The following SEMA3A variants were observed in gnomAD, a reference collection of about 807,000 sequenced individuals.
SEMA3A encodes semaphorin-3A.
Under a neutral mutation model 97.9 loss-of-function variants are expected in SEMA3A, and 29 were observed. The observed-to-expected ratio is 0.30, with a 90% CI of 0.22 to 0.40. The LOEUF (loss-of-function observed/expected upper bound fraction) is 0.40, where lower values mean the gene tolerates loss of function less well. SEMA3A is among the 10% of genes least tolerant of loss of function. SEMA3A has a pLI of 1.00. For missense variants in SEMA3A, 763 were observed against 951.3 expected (o/e 0.80, Z 2.60); for synonymous variants, 321 against 323.7 (o/e 0.99, Z 0.09).
intron 4 of SEMA3A, among the ~76,000 whole-genome samples, chr7:84,087,790 C>T (rs1247144067): frequency 1.3e-5 from 2 of 152,170 alleles, no homozygotes; most frequent in African/African-American, 4.8e-5. Context: ...TTCCCATGAA[C>T]TTCTGTTCTC....
intron 1 of SEMA3A, among the ~76,000 whole-genome samples, chr7:84,388,744 G>A (rs1803465268): frequency 6.6e-6 from 1 of 151,958 alleles, no homozygotes; most frequent in South Asian, 2.1e-4. Flanking sequence ...GGTTATTAGA[G>A]GAGATATGGT....
At chr7:84,103,280 A>G (rs546339956) in intron 4 of SEMA3A, among the ~76,000 whole-genome samples, 1 of 152,266 alleles carries the variant, frequency 6.6e-6, no homozygotes, top group Non-Finnish European at 1.5e-5. Flanking sequence ...TTGGCAGAAT[A>G]TAGCATTTGC....
chr7:84,175,592 AG>A (rs1797537678), intron 1 of SEMA3A, among the ~76,000 whole-genome samples: 2 of 152,164 alleles, frequency 1.3e-5, no homozygotes, highest in African/African-American at 4.8e-5. Flanking sequence ...AGGGTTGGAA[AG>A]GGGAATTTTC....
chr7:84,201,182 C>T (rs1345297356), intron 3 of SEMA3A, among the ~76,000 whole-genome samples: 1 of 151,992 alleles, frequency 6.6e-6, no homozygotes, highest in Non-Finnish European at 1.5e-5. Context: ...GAATGTTGCA[C>T]CTCAGATGTA....
At chr7:84,039,715 T>C (rs1792066610) in intron 6 of SEMA3A, among the ~76,000 whole-genome samples, 1 of 152,030 alleles carries the variant, frequency 6.6e-6, no homozygotes, top group South Asian at 2.1e-4. Context: ...TAGGGAGAAA[T>C]CTATCAGTTA....
At chr7:84,006,037 C>CTAAT (rs1790652501) in intron 10 of SEMA3A, among the ~76,000 whole-genome samples, 1 of 152,090 alleles carries the variant, frequency 6.6e-6, no homozygotes, top group African/African-American at 2.4e-5. Context: ...AGTTATGTCA[C>CTAAT]TAATTCTTAG....
chr7:84,134,934 T>A lies in SEMA3A; in HGVS notation c.130A>T (p.Asn44Tyr), dbSNP rs560143229. 80 of 1,612,402 alleles carry A rather than the reference T, an allele frequency of 5.0e-5. 1 individual carries two copies. The South Asian group carries it at 8.6e-4, about 17-fold the overall frequency. Reference sequence around the variant, plus strand: ...GCCAAGCCATTGAAAGTGATCACATTGTTGGATTCCAACATTTCTGCAAGG... The same window carrying A: ...GCCAAGCCATTGAAAGTGATCACATAGTTGGATTCCAACATTTCTGCAAGG... ...LSYKEMLESNNVITFNGLANS... is the reference protein window; with the variant it reads ...LSYKEMLESNYVITFNGLANS... Residue 44 changes from asparagine (N) to tyrosine (Y), a missense_variant, in exon 2 of 17, where the codon AAT becomes TAT. Physicochemically the swap from Asn to Tyr is moderately radical, Grantham distance 143. Around this residue, in one of 2 missense-constraint regions of SEMA3A, gnomAD observed 85 missense variants for 70.0 expected, o/e 1.21. Transcript: ENST00000265362.
At chr7:84,425,383 T>G (rs1353100470) in intron 1 of SEMA3A, among the ~76,000 whole-genome samples, 1 of 131,750 alleles carries the variant, frequency 7.6e-6, no homozygotes, top group African/African-American at 2.8e-5. Flanking sequence ...TATAAATATA[T>G]GCATATAATA....
At chr7:84,024,581 G>GA (rs1391476344) in intron 6 of SEMA3A, among the ~76,000 whole-genome samples, 1 of 151,448 alleles carries the variant, frequency 6.6e-6, no homozygotes, top group Admixed American at 6.6e-5. Context: ...AAAGAAAAAA[G>GA]AAAAAAAATC....
At chr7:84,452,628 T>C (rs1041885918) in intron 1 of SEMA3A, among the ~76,000 whole-genome samples, 2 of 152,198 alleles carry the variant, frequency 1.3e-5, no homozygotes, top group Non-Finnish European at 2.9e-5. Flanking sequence ...GTATAAAAAA[T>C]AGTTTTAAAA....
chr7:84,488,349 C>CAA, intron 1 of SEMA3A, among the ~76,000 whole-genome samples: 1 of 145,552 alleles, frequency 6.9e-6, no homozygotes, highest in East Asian at 2.0e-4. Context: ...CACACACACA[C>CAA]ATATATATAT....
chr7:84,484,879 A>G (rs1205874685), intron 1 of SEMA3A, among the ~76,000 whole-genome samples: 4 of 152,202 alleles, frequency 2.6e-5, no homozygotes, highest in Non-Finnish European at 4.4e-5. Flanking sequence ...GTCCAAAGGA[A>G]TGGAACTATA....
At chr7:84,321,538 TA>T (rs1176791166) in intron 2 of SEMA3A, among the ~76,000 whole-genome samples, 1 of 152,116 alleles carries the variant, frequency 6.6e-6, no homozygotes, top group African/African-American at 2.4e-5. Context: ...TAATTGTATG[TA>T]AAATGATACT....
intron 1 of SEMA3A, among the ~76,000 whole-genome samples, chr7:84,409,951 T>G (rs760666697): frequency 6.6e-6 from 1 of 152,142 alleles, no homozygotes; most frequent in Non-Finnish European, 1.5e-5. Flanking sequence ...AATGTAAATT[T>G]TACTTAATCT....
At chr7:84,417,081 T>C (rs187454515) in intron 1 of SEMA3A, among the ~76,000 whole-genome samples, 12 of 152,210 alleles carry the variant, frequency 7.9e-5, no homozygotes, top group Admixed American at 7.9e-4. Flanking sequence ...TACTAAACAG[T>C]TTGATTTGGC....
chr7:84,273,739 C>T (rs1014664708), intron 3 of SEMA3A, among the ~76,000 whole-genome samples: 1 of 152,078 alleles, frequency 6.6e-6, no homozygotes, highest in African/African-American at 2.4e-5. Context: ...TCTGACATTC[C>T]TTGTCAAATG....
chr7:84,009,427 G>A (rs1411306453), intron 9 of SEMA3A, among the ~76,000 whole-genome samples: 1 of 152,148 alleles, frequency 6.6e-6, no homozygotes, highest in East Asian at 1.9e-4. Context: ...AAAAATTATT[G>A]AGTAAAAACA....
intron 1 of SEMA3A, among the ~76,000 whole-genome samples, chr7:84,452,869 C>T (rs768705529): frequency 6.6e-6 from 1 of 152,142 alleles, no homozygotes; most frequent in Non-Finnish European, 1.5e-5. Flanking sequence ...TGCACTGGGT[C>T]ACTTGTTACT....
intron 3 of SEMA3A, among the ~76,000 whole-genome samples, chr7:84,281,030 A>G (rs1019381905): frequency 4.0e-5 from 6 of 151,828 alleles, no homozygotes; most frequent in African/African-American, 1.5e-4. Flanking sequence ...CACCTCCTTT[A>G]CTTTTGTTAT....
Sources: allele counts gnomAD v4.1 joint callset (sites outside exome capture counted in the v4.1 genomes callset), GRCh38; gene constraint gnomAD v4.1.1; regional missense constraint gnomAD v4.1.1; transcripts MANE v1.5; gene names NCBI Gene and HGNC (gene_info 2026-07-23, HGNC 2026-07-21).